Variants in SHQ1 observed in about 807,000 individuals in gnomAD.
SHQ1 encodes SHQ1, H/ACA ribonucleoprotein assembly factor, also known as protein SHQ1 homolog.
SHQ1 carries 49 observed loss-of-function variants against 53.8 expected under a neutral mutation model. That is an observed-to-expected ratio of 0.91 (90% CI 0.72 to 1.16). The LOEUF is 1.16. Among genes scored for constraint, SHQ1 ranks in the 50% most tolerant of loss-of-function variants. SHQ1 has a pLI of 0.00. For missense variants in SHQ1, 738 were observed against 683.1 expected, an observed-to-expected ratio of 1.08 and a Z score of -0.90; for synonymous variants, 243 against 251.0, an observed-to-expected ratio of 0.97 and a Z score of 0.30.
chr3:72,825,866 A>G (rs1707637097), intron 5 of SHQ1, among the ~76,000 whole-genome samples: 1 of 152,198 alleles, frequency 6.6e-6, no homozygotes, highest in South Asian at 2.1e-4. Flanking sequence ...AAATCACTTA[A>G]AAATTAGAAA....
intron 10 of SHQ1, among the ~76,000 whole-genome samples, chr3:72,758,730 C>T (rs149495390): frequency 6.8e-4 from 104 of 152,058 alleles, no homozygotes; most frequent in South Asian, 2.3e-3. Flanking sequence ...CCACCACGCC[C>T]GGCTAATTTT....
At chr3:72,761,780 AT>A (rs113443473) in intron 10 of SHQ1, among the ~76,000 whole-genome samples, 3,090 of 152,334 alleles carry the variant, frequency 0.02, 110 homozygotes, top group African/African-American at 0.072. Context: ...AAGATGTCAT[AT>A]TATCACAGAA....
chr3:72,736,805 A>AAG, the SHQ1 span, among the ~76,000 whole-genome samples: 1 of 147,398 alleles, frequency 6.8e-6, no homozygotes, highest in Non-Finnish European at 1.5e-5. Context: ...AAAAAAAAAA[A>AAG]AAAAGAAATT....
intron 1 of SHQ1, among the ~76,000 whole-genome samples, chr3:72,844,711 A>G (rs577317343): frequency 6.6e-6 from 1 of 152,348 alleles, no homozygotes; most frequent in East Asian, 1.9e-4. Flanking sequence ...TTATAACACA[A>G]GTTGAGTATC....
intron 10 of SHQ1, among the ~76,000 whole-genome samples, chr3:72,763,730 T>A (rs1449980521): frequency 6.6e-6 from 1 of 152,172 alleles, no homozygotes; most frequent in African/African-American, 2.4e-5. Flanking sequence ...TGCCAGGGGA[T>A]GTCTAGGGTT....
intron 10 of SHQ1, among the ~76,000 whole-genome samples, chr3:72,764,671 T>G (rs1051269486): frequency 1.3e-5 from 2 of 152,198 alleles, no homozygotes; most frequent in Non-Finnish European, 2.9e-5. Flanking sequence ...AGCAGCAGCA[T>G]CATCTTGGAA....
At chr3:72,812,217 G>A (rs1376465691) in intron 9 of SHQ1, among the ~76,000 whole-genome samples, 1 of 152,056 alleles carries the variant, frequency 6.6e-6, no homozygotes, top group African/African-American at 2.4e-5. Context: ...ACGATCCCTG[G>A]ACTTCTCCCA....
At chr3:72,818,774 A>G (rs1317301673) in intron 6 of SHQ1, among the ~76,000 whole-genome samples, 2 of 152,204 alleles carry the variant, frequency 1.3e-5, no homozygotes, top group African/African-American at 4.8e-5. Context: ...TTTTGAAGAA[A>G]TAAGATGTCA....
Position 72,750,692 on chromosome 3 carries a change from A to C in SHQ1, c.1326T>G (p.Val442=). The change falls in exon 11 of 11, where the codon GTT becomes GTG. Residue 442 remains valine, a synonymous_variant. Coordinates refer to ENST00000325599, the MANE Select transcript of SHQ1 (RefSeq NM_018130.3). Reference sequence around the variant, plus strand: ...TGGAGCAAAGTGTCTGCTGCCCAGAAACTGAATGGGCTGCTTTTAATGCAG... The same window carrying C: ...TGGAGCAAAGTGTCTGCTGCCCAGACACTGAATGGGCTGCTTTTAATGCAG... ...EETALKAAHS[V]SGQQTLCSSS... is the part of the protein sequence containing the mutation. 1 of 1,599,194 alleles carries C rather than the reference A, an allele frequency of 6.3e-7. No individual in the cohort carries two copies. The highest frequency in any genetic ancestry group is 8.5e-7 in the Non-Finnish European group (1 of 1,171,930).
At chr3:72,784,129 G>T (rs1706153279) in intron 10 of SHQ1, among the ~76,000 whole-genome samples, 1 of 123,990 alleles carries the variant, frequency 8.1e-6, no homozygotes, top group Admixed American at 7.8e-5. Context: ...AAAATAAAAA[G>T]TCTACCTAAA....
At chr3:72,772,445 A>G (rs569354044) in intron 10 of SHQ1, 119 of 418,914 alleles carry the variant, frequency 2.8e-4, no homozygotes, top group African/African-American at 2.3e-3. Flanking sequence ...CAAAGATGAG[A>G]TTGTCAGATG....
At chr3:72,810,402 T>C (rs893725219) in intron 9 of SHQ1, among the ~76,000 whole-genome samples, 13 of 152,208 alleles carry the variant, frequency 8.5e-5, no homozygotes, top group African/African-American at 3.1e-4. Context: ...ATGAGGCAAA[T>C]TCCTGGCTCT....
In SHQ1 at chr3:72,770,864, C is replaced by T. The variant is rs73841403; in HGVS notation, c.1182-20028G>A. On this transcript the variant is annotated intron_variant, in intron 10 of 10. Coordinates refer to ENST00000325599, the MANE Select transcript of SHQ1 (RefSeq NM_018130.3). ...CAGATAAGAGACGAAGTAGGTGATC[C>T]CCAGAAGTTACTATGGATTCACAAA... is the stretch of plus-strand genomic sequence containing the variant. Among the ~76,000 whole-genome samples, 808 of 152,262 alleles carry T rather than the reference C, an allele frequency of 5.3e-3. 5 individuals are homozygous for T. The highest frequency in any genetic ancestry group is 0.018 in the African/African-American group (748 of 41,538).
At chr3:72,776,301 T>C (rs980522770) in intron 10 of SHQ1, among the ~76,000 whole-genome samples, 5 of 152,246 alleles carry the variant, frequency 3.3e-5, no homozygotes, top group African/African-American at 4.8e-5. Context: ...CTGATTTTAC[T>C]GTACCTTTTC....
chr3:72,801,947 A>G (rs1182630054), intron 9 of SHQ1, among the ~76,000 whole-genome samples: 7 of 152,218 alleles, frequency 4.6e-5, no homozygotes, highest in Non-Finnish European at 1.0e-4. Context: ...TAAAAATGGT[A>G]ACAATCCCAA....
chr3:72,802,636 G>T (rs1369212262), intron 9 of SHQ1, among the ~76,000 whole-genome samples: 4 of 151,890 alleles, frequency 2.6e-5, no homozygotes, highest in African/African-American at 9.7e-5. Context: ...ACTTTCTCAG[G>T]GAATACCGCT....
At chr3:72,772,575 A>T in intron 10 of SHQ1, 1 of 698,512 alleles carries the variant, frequency 1.4e-6, no homozygotes, top group Non-Finnish European at 2.7e-6. Context: ...TTTATCCAGA[A>T]CCATTTTTGA....
intron 9 of SHQ1, among the ~76,000 whole-genome samples, chr3:72,811,075 T>C (rs1707104181): frequency 6.6e-6 from 1 of 152,256 alleles, no homozygotes; most frequent in Non-Finnish European, 1.5e-5. Flanking sequence ...GAATTTATTT[T>C]TGGTTATGCA....
At chr3:72,815,260 G>T in intron 8 of SHQ1, 90 bp downstream of exon 8, 1 of 1,019,546 alleles carries the variant, frequency 9.8e-7, no homozygotes, top group Non-Finnish European at 1.5e-6. Context: ...AAAATTCAAG[G>T]AATTGCTTGA....
Sources: gnomAD v4.1 joint callset for allele counts (sites outside exome capture counted in the v4.1 genomes callset) on GRCh38, gnomAD v4.1.1 for gene constraint, MANE v1.5 for transcripts, NCBI Gene and HGNC (gene_info 2026-07-23, HGNC 2026-07-21) for gene names.